The following TENM3 variants were observed in gnomAD, a reference collection of about 807,000 sequenced individuals.
TENM3 encodes the protein teneurin-3.
In TENM3, 63 loss-of-function variants were observed where a neutral mutation model predicts 255.1. The observed-to-expected ratio is 0.25, with a 90% confidence interval of 0.20 to 0.30. TENM3 has a LOEUF of 0.30. TENM3 is among the 10% of genes least tolerant of loss of function. The pLI, the probability that TENM3 is intolerant of heterozygous loss-of-function variation, is 1.00. For synonymous variants in TENM3, 1,306 were observed against 1,322.3 expected (o/e 0.99, Z 0.27); for missense variants, 2,929 against 3,461.1 (o/e 0.85, Z 3.86).
the TENM3 span, among the ~76,000 whole-genome samples, chr4:181,899,925 T>C: frequency 1.3e-5 from 2 of 152,198 alleles, no homozygotes; most frequent in Non-Finnish European, 2.9e-5. Flanking sequence ...CCTAATTTTT[T>C]CCCACTGACC....
intron 1 of TENM3, among the ~76,000 whole-genome samples, chr4:182,217,009 C>CT (rs3071526): frequency 0.012 from 834 of 67,424 alleles, 110 homozygotes; most frequent in African/African-American, 0.037. Context: ...CATTTTCTTT[C>CT]TTTTTTTTTT....
At chr4:182,314,769 G>A (rs1310364249) in intron 1 of TENM3, among the ~76,000 whole-genome samples, 1 of 152,094 alleles carries the variant, frequency 6.6e-6, no homozygotes, top group African/African-American at 2.4e-5. Context: ...CATTTAATGT[G>A]ATTTTTGACC....
rs1766298436 is a variant in TENM3 at position 182,793,890 on chromosome 4, G to A, written c.7213+5G>A. 2 of 1,589,712 alleles carry A rather than the reference G, an allele frequency of 1.3e-6. No homozygotes were observed. The highest frequency in any genetic ancestry group is 1.7e-4 in the Middle Eastern group (1 of 5,940). Reference sequence around the variant, plus strand: ...ACGTGAAAGATTACATCACAGGTAAGCATTTTGATTCCTTCCCAAGAGCTG... The same window carrying A: ...ACGTGAAAGATTACATCACAGGTAAACATTTTGATTCCTTCCCAAGAGCTG... On this transcript the variant is annotated splice_donor_5th_base_variant and intron_variant, in intron 26 of 27. Transcript: ENST00000511685. This position sits in a 1 kb window ranked among gnomAD's most constrained non-coding sequence, Gnocchi z 5.7.
the TENM3 span, among the ~76,000 whole-genome samples, chr4:181,602,288 A>G: frequency 6.6e-6 from 1 of 152,198 alleles, no homozygotes; most frequent in African/African-American, 2.4e-5. Context: ...TACATCCATT[A>G]CCCAGCAAGC....
intron 5 of TENM3, among the ~76,000 whole-genome samples, chr4:182,648,018 T>C (rs1230611307): frequency 6.6e-6 from 1 of 152,196 alleles, no homozygotes; most frequent in African/African-American, 2.4e-5. Context: ...AGATTTGCAC[T>C]GAGGAAAGTC....
At position 182,789,093 on chromosome 4, in the gene TENM3, G is replaced by A. The variant is rs1203332923; in HGVS notation, c.5305G>A (p.Val1769Ile). 1 of 1,604,476 alleles carries A rather than the reference G, an allele frequency of 6.2e-7. No homozygotes were observed. Among genetic ancestry groups the A allele is most frequent in the Non-Finnish European group, 8.5e-7 (1 of 1,173,114 alleles). ...TATCATCTTGTTGGTGTTGTAACAG[G>A]TTAATGGCAGAAACCTCCTTTCAGT... The part of the protein sequence containing the change: ...KVNVFGRKLR[V>I]NGRNLLSVDF... The change falls in exon 25 of 28, where the codon GTT becomes ATT. Residue 1769 changes from valine (V) to isoleucine (I), a missense_variant and splice_region_variant. Coordinates refer to ENST00000511685, the MANE Select transcript of TENM3 (RefSeq NM_001080477.4). The surrounding 1 kb of genome is among the most constrained non-coding windows in gnomAD (Gnocchi z 4.4).
At chr4:181,922,318 C>A in the TENM3 span, among the ~76,000 whole-genome samples, 2 of 152,144 alleles carry the variant, frequency 1.3e-5, no homozygotes, top group African/African-American at 2.4e-5. Flanking sequence ...GGTACCAATT[C>A]CTCCTTGTAC....
At chr4:182,259,414 C>T (rs1490604161) in intron 1 of TENM3, among the ~76,000 whole-genome samples, 5 of 152,074 alleles carry the variant, frequency 3.3e-5, no homozygotes, top group African/African-American at 4.8e-5. Context: ...TGGGCTTCAG[C>T]GATTCTCCCA....
the TENM3 span, among the ~76,000 whole-genome samples, chr4:181,486,133 T>C: frequency 6.6e-6 from 1 of 152,260 alleles, no homozygotes; most frequent in African/African-American, 2.4e-5. Flanking sequence ...TTCACCACCT[T>C]GACAATACAC....
chr4:182,463,714 C>T (rs1429324487), intron 3 of TENM3, among the ~76,000 whole-genome samples: 1 of 151,868 alleles, frequency 6.6e-6, no homozygotes, highest in Non-Finnish European at 1.5e-5. Flanking sequence ...ACCTCGGCCT[C>T]CTGGGTTCAA....
the TENM3 span, among the ~76,000 whole-genome samples, chr4:181,747,380 A>G: frequency 1.3e-5 from 2 of 152,032 alleles, no homozygotes; most frequent in Non-Finnish European, 2.9e-5. Context: ...ATCATTGTAA[A>G]TTCACATACA....
Position 182,799,199 on chromosome 4 carries a change from G to C in TENM3, c.7345-397G>C, listed in dbSNP as rs957633736. ...TCCCCAGCCGTTCAGATCCCTCTCTGTGTTTGGTGGCTTCTCAGCCTCCTG... is the reference window on the plus strand; with the variant it reads ...TCCCCAGCCGTTCAGATCCCTCTCTCTGTTTGGTGGCTTCTCAGCCTCCTG... On this transcript the variant is annotated intron_variant, in intron 27 of 27. Coordinates refer to ENST00000511685, the MANE Select transcript of TENM3 (RefSeq NM_001080477.4). The surrounding 1 kb of genome is among the most constrained non-coding windows in gnomAD (Gnocchi z 4.2). 1.3e-5 allele frequency among the ~76,000 whole-genome samples: 2 copies of C among 152,220 alleles called. No individual in the cohort carries two copies. The highest frequency in any genetic ancestry group is 4.8e-5 in the African/African-American group (2 of 41,462).
chr4:181,457,308 C>T, the TENM3 span, among the ~76,000 whole-genome samples: 1,757 of 151,830 alleles, frequency 0.012, 32 homozygotes, highest in African/African-American at 0.041. Flanking sequence ...CTTCAGTGAG[C>T]GGCTTAGTGT....
chr4:182,073,775 G>A, the TENM3 span, among the ~76,000 whole-genome samples: 1 of 152,072 alleles, frequency 6.6e-6, no homozygotes, highest in African/African-American at 2.4e-5. Flanking sequence ...CTTACCCCAG[G>A]GAGAAATTGG....
chr4:182,400,955 A>G (rs1769180560), intron 3 of TENM3, among the ~76,000 whole-genome samples: 1 of 152,190 alleles, frequency 6.6e-6, no homozygotes, highest in South Asian at 2.1e-4. Context: ...GACTTTTGAT[A>G]AATATAAATG....
the TENM3 span, among the ~76,000 whole-genome samples, chr4:181,928,646 A>G: frequency 2.0e-5 from 3 of 152,244 alleles, no homozygotes; most frequent in Non-Finnish European, 2.9e-5. Flanking sequence ...GCCTAGCAAG[A>G]CAGGCCAATA....
chr4:182,278,815 G>A (rs938418459), intron 1 of TENM3, among the ~76,000 whole-genome samples: 2 of 152,204 alleles, frequency 1.3e-5, no homozygotes, highest in African/African-American at 4.8e-5. Flanking sequence ...GTGCAGCATG[G>A]TGCTAGTGTA....
the TENM3 span, chr4:181,877,052 G>T: frequency 1.3e-5 from 2 of 151,994 alleles, no homozygotes; most frequent in African/African-American, 4.8e-5. Context: ...ACCTAAAACC[G>T]ATTGTATATC....
chr4:182,499,080 T>C (rs1736077425), intron 3 of TENM3, among the ~76,000 whole-genome samples: 1 of 152,146 alleles, frequency 6.6e-6, no homozygotes, highest in South Asian at 2.1e-4. Context: ...CATAGAGTTT[T>C]TACTTTGCAC....
Sources: allele counts gnomAD v4.1 joint callset (sites outside exome capture counted in the v4.1 genomes callset), GRCh38; gene constraint gnomAD v4.1.1; non-coding constraint Gnocchi (gnomAD v3.1); transcripts MANE v1.5; gene names NCBI Gene and HGNC (gene_info 2026-07-23, HGNC 2026-07-21).